Variants in BTN3A3 observed in about 807,000 individuals in gnomAD.
BTN3A3 encodes the protein butyrophilin subfamily 3 member A3, also known as butyrophilin 3.
A neutral mutation model predicts 43.2 loss-of-function variants in BTN3A3; 39 were observed. That is an observed-to-expected ratio of 0.90 (90% CI 0.70 to 1.18). BTN3A3 has a LOEUF of 1.18. BTN3A3 is among the 50% of genes most tolerant of loss of function. The pLI is 0.00. For synonymous variants in BTN3A3, 255 were observed against 272.7 expected (o/e 0.93, Z 0.64); for missense variants, 631 against 722.8 (o/e 0.87, Z 1.46).
intron 1 of BTN3A3, 44 bp downstream of exon 1, chr6:26,440,692 G>A (rs1762600738): frequency 6.6e-6 from 1 of 152,548 alleles, no homozygotes. Context: ...CAATGCCTGG[G>A]AGGACAAGAG....
intron 8 of BTN3A3, chr6:26,449,112 A>G: frequency 3.6e-6 from 1 of 279,524 alleles, no homozygotes; most frequent in Non-Finnish European, 6.7e-6. Flanking sequence ...GTTTTCCATA[A>G]TCTAGAGGAT....
intron 8 of BTN3A3, chr6:26,449,158 T>G (rs2113841829): frequency 4.5e-6 from 1 of 220,074 alleles, no homozygotes; most frequent in East Asian, 1.1e-4. Context: ...ATTTAAGAGA[T>G]AAGAAAATCA....
In BTN3A3 at chr6:26,448,433, G is replaced by A. The variant is rs1409610280; in HGVS notation, c.901G>A (p.Glu301Lys). Residue 301 changes from glutamate (E) to lysine (K), a missense_variant, in exon 6 of 11, where the codon GAA (glutamate) becomes AAA (lysine). By Grantham distance (56) the Glu-to-Lys change is moderately conservative (BLOSUM62 1). Transcript: ENST00000244519. The stretch of plus-strand genomic sequence containing the variant: ...AATGGGATACGCTGCAACAGAGCAA[G>A]AAATAAGCCTAAGAGGTATCCAACG... Reference protein sequence around the residue: ...KEMGYAATEQEISLREKLQEE... With the variant: ...KEMGYAATEQKISLREKLQEE... The A allele has an allele frequency of 1.9e-6, 3 of 1,613,784 alleles. No individual in the cohort carries two copies. In the South Asian group the frequency reaches 3.3e-5, roughly 18 times the overall value.
chr6:26,442,177 A>C (rs1200466324), intron 1 of BTN3A3, among the ~76,000 whole-genome samples: 1 of 152,168 alleles, frequency 6.6e-6, no homozygotes, highest in African/African-American at 2.4e-5. Flanking sequence ...TCAGGTAGCT[A>C]CAGCAGCGGG....
intron 8 of BTN3A3, 97 bp from the exon 9 acceptor site, chr6:26,449,565 T>C: frequency 7.4e-7 from 1 of 1,355,874 alleles, no homozygotes; most frequent in Non-Finnish European, 1.0e-6. Context: ...AGTGGAATGG[T>C]CAAAAAGAAA....
rs780210744 is a variant in BTN3A3 at position 26,452,186 on chromosome 6, C to T, written c.1530C>T (p.Thr510=). 5.0e-6 allele frequency: 8 copies of T among 1,614,142 alleles called. No homozygotes were observed. The highest frequency in any genetic ancestry group is 6.8e-6 in the Non-Finnish European group (8 of 1,180,014). Residue 510 remains threonine, a synonymous_variant, in exon 11 of 11, where the codon ACC becomes ACT. Coordinates refer to ENST00000244519, the MANE Select transcript of BTN3A3 (RefSeq NM_006994.5). ...TGACCTTGGAGCCCACTGCCCTGAC[C>T]ATTTGCCCAATACCAAAAGAAGTAG... is the stretch of plus-strand genomic sequence containing the variant. ...RILTLEPTAL[T]ICPIPKEVES...
Position 26,452,125 on chromosome 6 carries a change from C to G in BTN3A3, c.1469C>G (p.Ser490Cys), listed in dbSNP as rs1163629307. Residue 490 changes from serine to cysteine, a missense_variant, in exon 11 of 11, where the codon TCT becomes TGT. Physicochemically the swap from Ser to Cys is moderately radical, Grantham distance 112. This residue lies in a region of BTN3A3 where 551 missense variants were observed against 584.0 expected (regional missense o/e 0.94). Coordinates refer to ENST00000244519, the MANE Select transcript of BTN3A3 (RefSeq NM_006994.5). The stretch of plus-strand genomic sequence containing the variant: ...CATATCTACACCTTTCCGCACGCCT[C>G]TTTCTCTGAGCCTCTATATCCTGTT... ...GSHIYTFPHA[S>C]FSEPLYPVFR... is the part of the protein sequence containing the mutation. 5 of 1,614,060 alleles carry G rather than the reference C, an allele frequency of 3.1e-6. No homozygotes were observed. The highest frequency in any genetic ancestry group is 4.2e-6 in the Non-Finnish European group (5 of 1,180,046).
chr6:26,442,756 G>A (rs1339712915), intron 1 of BTN3A3, among the ~76,000 whole-genome samples: 1 of 152,202 alleles, frequency 6.6e-6, no homozygotes, highest in Non-Finnish European at 1.5e-5. Context: ...CTAGACATCA[G>A]AAAGTGGAAT....
At chr6:26,450,305 G>T in intron 10 of BTN3A3, 172 bp downstream of exon 10, 1 of 726,292 alleles carries the variant, frequency 1.4e-6, no homozygotes, top group Non-Finnish European at 2.3e-6. Context: ...GACCCTTCCC[G>T]CTGAGAGCCC....
At chr6:26,446,992 G>T (rs1479098033) in intron 5 of BTN3A3, among the ~76,000 whole-genome samples, 1 of 151,906 alleles carries the variant, frequency 6.6e-6, no homozygotes, top group African/African-American at 2.4e-5. Flanking sequence ...GCCTCCCAAG[G>T]TGCTGGGATT....
intron 1 of BTN3A3, among the ~76,000 whole-genome samples, chr6:26,441,311 C>T (rs1343412712): frequency 6.6e-6 from 1 of 152,138 alleles, no homozygotes; most frequent in Admixed American, 6.5e-5. Context: ...TTTTTCCTTC[C>T]ATTAATCATT....
Position 26,445,121 on chromosome 6 carries a change from G to A in BTN3A3, c.434-583G>A, listed in dbSNP as rs80224983. ...ACTCACAAAAGATTGGGGTGGTCTT[G>A]TATTTCCCATGATCTGTCACAGTGA... On this transcript the variant is annotated intron_variant, in intron 4 of 10. Coordinates refer to ENST00000244519, the MANE Select transcript of BTN3A3 (RefSeq NM_006994.5). The A allele has an allele frequency of 5.5e-3, 874 of 159,634 alleles. 4 individuals are homozygous for A. The highest frequency in any genetic ancestry group is 0.016 in the African/African-American group (671 of 41,568). The allele number at this position is 159,634 out of a possible 1,614,324, so 9.9% of individuals were successfully genotyped here. A position where few individuals can be genotyped will look rare whatever the true frequency, so the allele number is the denominator to read the frequency against.
In BTN3A3 at chr6:26,452,086, C is replaced by A; in HGVS notation, c.1430C>A (p.Ala477Asp). 2 of 1,613,936 alleles carry A rather than the reference C, an allele frequency of 1.2e-6. No homozygotes were observed. Among genetic ancestry groups the A allele is most frequent in the Non-Finnish European group, 1.7e-6 (2 of 1,179,960 alleles). ...ACTGGAGAGATCTCGTTCTATAATGCCACAGATGGATCTCATATCTACACC... is the reference window on the plus strand; with the variant it reads ...ACTGGAGAGATCTCGTTCTATAATGACACAGATGGATCTCATATCTACACC... ...YETGEISFYN[A>D]TDGSHIYTFP... Residue 477 changes from alanine to aspartate, a missense_variant, in exon 11 of 11, where the codon GCC becomes GAC. Physicochemically the swap from Ala to Asp is moderately radical, Grantham distance 126. Coordinates refer to ENST00000244519, the MANE Select transcript of BTN3A3 (RefSeq NM_006994.5).
chr6:26,450,184 T>C (rs935291149), intron 10 of BTN3A3, 51 bp downstream of exon 10: 14 of 1,579,078 alleles, frequency 8.9e-6, no homozygotes, highest in Non-Finnish European at 1.2e-5. Flanking sequence ...GGGACTATAT[T>C]CCTTTCTCCT....
rs574188656 is a variant in BTN3A3 at position 26,444,244 on chromosome 6, T to C, written c.373T>C (p.Leu125=). ...CACAGCCTCTGACAGTGGAAAGTACTTGTGTTATTTCCAAGATGGTGACTT... is the reference window on the plus strand; with the variant it reads ...CACAGCCTCTGACAGTGGAAAGTACCTGTGTTATTTCCAAGATGGTGACTT... ...NVTASDSGKY[L]CYFQDGDFYE... is the part of the protein sequence containing the mutation. The change falls in exon 4 of 11, where the codon TTG becomes CTG. Residue 125 remains leucine, a synonymous_variant. Coordinates refer to ENST00000244519, the MANE Select transcript of BTN3A3 (RefSeq NM_006994.5). 255 of 1,611,860 alleles carry C rather than the reference T, an allele frequency of 1.6e-4. No homozygotes were observed. The highest frequency in any genetic ancestry group is 5.4e-4 in the South Asian group (49 of 90,992).
chr6:26,443,601 C>T lies in BTN3A3; in HGVS notation c.27C>T (p.Phe9=), dbSNP rs1762697202. MKMASSLA[F]LLLNFHVSLF... The stretch of plus-strand genomic sequence containing the variant: ...TGAAAATGGCAAGTTCCCTGGCTTT[C>T]CTTCTGCTCAACTTTCATGTCTCCC... Residue 9 remains phenylalanine, a synonymous_variant, in exon 3 of 11, where the codon TTC becomes TTT. Coordinates refer to ENST00000244519, the MANE Select transcript of BTN3A3 (RefSeq NM_006994.5). 1 of 1,614,220 alleles carries T rather than the reference C, an allele frequency of 6.2e-7. No homozygotes were observed.
chr6:26,444,309 G>A lies in BTN3A3; in HGVS notation c.433+5G>A. The stretch of plus-strand genomic sequence containing the variant: ...TGGTGGAGCTGAAGGTTGCAGGTGA[G>A]CCTCCAGGTTTTGTTCTGAGAACAC... On this transcript the variant is annotated splice_donor_5th_base_variant and intron_variant, in intron 4 of 10. Transcript: ENST00000244519. 2 of 1,612,050 alleles carry A rather than the reference G, an allele frequency of 1.2e-6. No individual in the cohort carries two copies. The highest frequency in any genetic ancestry group is 1.7e-6 in the Non-Finnish European group (2 of 1,179,866).
Position 26,445,789 on chromosome 6 carries a change from C to A in BTN3A3, c.519C>A (p.Pro173=). ...AGTGCAGGTCCACTGGCTGGTACCC[C>A]CAACCCCAAATAAAGTGGAGCGACA... ...HLECRSTGWY[P]QPQIKWSDTK... is the part of the protein sequence containing the mutation. Residue 173 remains proline (P), a synonymous_variant, in exon 5 of 11, where the codon CCC becomes CCA. Coordinates refer to ENST00000244519, the MANE Select transcript of BTN3A3 (RefSeq NM_006994.5). 6.2e-7 allele frequency: 1 copy of A among 1,614,138 alleles called. No individual in the cohort carries two copies. The highest frequency in any genetic ancestry group is 8.5e-7 in the Non-Finnish European group (1 of 1,180,026).
Position 26,444,202 on chromosome 6 carries a change from C to T in BTN3A3, c.331C>T (p.Leu111Phe), listed in dbSNP as rs746983554. Reference sequence around the variant, plus strand: ...TGGCATCACTGCAGGGAAGGCTGCTCTCCGAATACACAACGTCACAGCCTC... The same window carrying T: ...TGGCATCACTGCAGGGAAGGCTGCTTTCCGAATACACAACGTCACAGCCTC... ...RDGITAGKAA[L>F]RIHNVTASDS... Residue 111 changes from leucine to phenylalanine, a missense_variant, in exon 4 of 11, where the codon CTC (leucine) becomes TTC (phenylalanine). Around this residue, in one of 2 missense-constraint regions of BTN3A3, gnomAD observed 80 missense variants for 138.7 expected, o/e 0.58. Coordinates refer to ENST00000244519, the MANE Select transcript of BTN3A3 (RefSeq NM_006994.5). 7.4e-6 allele frequency: 12 copies of T among 1,611,922 alleles called. No individual in the cohort carries two copies. The East Asian group carries it at 2.7e-4, about 36-fold the overall frequency.
Sources: allele counts gnomAD v4.1 joint callset (sites outside exome capture counted in the v4.1 genomes callset), GRCh38; gene constraint gnomAD v4.1.1; regional missense constraint gnomAD v4.1.1; transcripts MANE v1.5; gene names NCBI Gene and HGNC (gene_info 2026-07-23, HGNC 2026-07-21).